The following SF3A2 variants were observed in gnomAD, a reference collection of about 807,000 sequenced individuals.
The protein encoded by SF3A2 is SAP 62.
SF3A2 carries 5 observed loss-of-function variants against 31.1 expected under a neutral mutation model. That is an observed-to-expected ratio of 0.16 (90% CI 0.08 to 0.34). The LOEUF is 0.34. Ranked by LOEUF, SF3A2 falls within the 10% of genes least tolerant of loss-of-function variation. The pLI is 1.00. For missense variants in SF3A2, 577 were observed against 643.9 expected (o/e 0.90, Z 1.13); for synonymous variants, 365 against 263.7 (o/e 1.38, Z -3.72).
In SF3A2 at chr19:2,245,458, A is replaced by AGCCAAGGAG. The variant is rs1438852548; in HGVS notation, c.271_279dup (p.Lys91_Ala93dup). The AGCCAAGGAG allele has an allele frequency of 2.6e-6, 4 of 1,550,368 alleles. No individual in the cohort carries two copies. The highest frequency in any genetic ancestry group is 2.6e-6 in the Non-Finnish European group (3 of 1,146,740). On this transcript the variant is annotated inframe_insertion, in exon 5 of 9. Coordinates refer to ENST00000221494, the MANE Select transcript of SF3A2 (RefSeq NM_007165.5). The surrounding 1 kb of genome is among the most constrained non-coding windows in gnomAD (Gnocchi z 4.2). ...ATCCTGTCCGCAGGGCCCGGCGAGC[A>AGCCAAGGAG]GCCAAGGAGGCCAAGGAGGCCCCTG...
At chr19:2,242,658 G>A (rs1454040755) in intron 1 of SF3A2, among the ~76,000 whole-genome samples, 3 of 152,184 alleles carry the variant, frequency 2.0e-5, no homozygotes, top group Admixed American at 6.5e-5. Flanking sequence ...ACCAGGGCCC[G>A]GGGCCAACAT....
At chr19:2,247,108 TC>T in intron 7 of SF3A2, 86 bp downstream of exon 7, 1 of 1,540,346 alleles carries the variant, frequency 6.5e-7, no homozygotes, top group Non-Finnish European at 8.6e-7. Context: ...GCCCCTCCCA[TC>T]GGGCTTGGGG....
intron 1 of SF3A2, among the ~76,000 whole-genome samples, chr19:2,239,967 A>T (rs10518240): frequency 0.061 from 9,220 of 152,088 alleles, 335 homozygotes; most frequent in East Asian, 0.13. Context: ...TTACTGGGAT[A>T]CCCATCAGTC....
chr19:2,247,136 C>A (rs1473886833), intron 7 of SF3A2, 114 bp downstream of exon 7: 1 of 1,403,510 alleles, frequency 7.1e-7, no homozygotes, highest in Admixed American at 2.6e-5. Flanking sequence ...GGGCCCCCCC[C>A]AAGTCGGAGC....
chr19:2,246,757 C>T lies in SF3A2; in HGVS notation c.360C>T (p.Thr120=). The T allele has an allele frequency of 2.5e-6, 4 of 1,613,940 alleles. No individual in the cohort carries two copies. The highest frequency in any genetic ancestry group is 3.4e-6 in the Non-Finnish European group (4 of 1,179,974). ...VKIGRPGYKV[T]KQRDSEMGQQ... ...TGAGAGCTTTCTGTGTTGCAGTGAC[C>T]AAGCAGAGAGACTCGGAGATGGGCC... Residue 120 remains threonine (T), a synonymous_variant, in exon 6 of 9, where the codon ACC becomes ACT. Coordinates refer to ENST00000221494, the MANE Select transcript of SF3A2 (RefSeq NM_007165.5). This position sits in a 1 kb window ranked among gnomAD's most constrained non-coding sequence, Gnocchi z 5.5.
rs1384484910 is a variant in SF3A2, at chr19:2,248,312, C to T, written c.1161C>T (p.His387=). Residue 387 remains histidine, a synonymous_variant, in exon 9 of 9, where the codon CAC becomes CAT. Coordinates refer to ENST00000221494, the MANE Select transcript of SF3A2 (RefSeq NM_007165.5). ...PGVHPAAPAV[H]PQAPGVHPPA... Reference sequence around the variant, plus strand: ...TGCACCCAGCAGCCCCCGCCGTTCACCCTCAGGCCCCAGGGGTGCACCCAC... The same window carrying T: ...TGCACCCAGCAGCCCCCGCCGTTCATCCTCAGGCCCCAGGGGTGCACCCAC... The T allele has an allele frequency of 1.4e-6, 2 of 1,401,212 alleles. No homozygotes were observed. Among genetic ancestry groups the T allele is most frequent in the Non-Finnish European group, 1.9e-6 (2 of 1,079,808 alleles). 86.8% of individuals were successfully genotyped at this position (1,401,212 alleles called of 1,614,324 possible).
intron 1 of SF3A2, among the ~76,000 whole-genome samples, chr19:2,238,094 G>T (rs768462956): frequency 4.7e-4 from 72 of 152,160 alleles, no homozygotes; most frequent in Non-Finnish European, 9.6e-4. Flanking sequence ...TGCAATCACA[G>T]CTTACTCCAG....
chr19:2,246,245 G>C lies in SF3A2; in HGVS notation c.356-508G>C, dbSNP rs2024931538. 6.6e-6 allele frequency among the ~76,000 whole-genome samples: 1 copy of C among 152,054 alleles called. No homozygotes were observed. Among genetic ancestry groups the C allele is most frequent in the East Asian group, 1.9e-4 (1 of 5,168 alleles). On this transcript the variant is annotated intron_variant, in intron 5 of 8. Coordinates refer to ENST00000221494, the MANE Select transcript of SF3A2 (RefSeq NM_007165.5). This position sits in a 1 kb window ranked among gnomAD's most constrained non-coding sequence, Gnocchi z 5.5. ...TTGGGCTCAGGACGGTGAGGCGGCA[G>C]AGGGCTTGTGAGTGTGCGTGTCTGA... is the stretch of plus-strand genomic sequence containing the variant.
In SF3A2 at chr19:2,243,614, C is replaced by T. The variant is rs1454574970; in HGVS notation, c.126+70C>T. 11 of 1,446,698 alleles carry T rather than the reference C, an allele frequency of 7.6e-6. No individual in the cohort carries two copies. In the East Asian group the frequency reaches 3.1e-4, roughly 41 times the overall value. The allele number at this position is 1,446,698 out of a possible 1,614,324, so 89.6% of individuals were successfully genotyped here. A position where few individuals can be genotyped will look rare whatever the true frequency, so the allele number is the denominator to read the frequency against. The stretch of plus-strand genomic sequence containing the variant: ...TCCAGGGCAGCCCTGGAGAGGGTGC[C>T]AGAGGCTCTTCTTGGGCCTCCGCCC... On this transcript the variant is annotated intron_variant, in intron 2 of 8. Transcript: ENST00000221494.
At chr19:2,240,697 C>T (rs2024881640) in intron 1 of SF3A2, among the ~76,000 whole-genome samples, 1 of 152,244 alleles carries the variant, frequency 6.6e-6, no homozygotes, top group African/African-American at 2.4e-5. Flanking sequence ...TGGATTTGAA[C>T]TCTTGGCTTT....
chr19:2,241,713 G>T (rs1382615935), intron 1 of SF3A2, among the ~76,000 whole-genome samples: 4 of 152,334 alleles, frequency 2.6e-5, no homozygotes, highest in African/African-American at 9.6e-5. Context: ...GTTCCTTGGG[G>T]CCAGAGGGTG....
rs1186313194 is a variant in SF3A2 at position 2,248,044 on chromosome 19, C to T, written c.893C>T (p.Ala298Val). ...CCGGCCCCAGTGGTGCATCCCCCTG[C>T]ATCTGGGGTCCATCCCCCAGCTCCT... is the stretch of plus-strand genomic sequence containing the variant. ...HPPAPVVHPP[A>V]SGVHPPAPGV... Residue 298 changes from alanine to valine, a missense_variant, in exon 9 of 9, where the codon GCA (alanine) becomes GTA (valine). Physicochemically the swap from Ala to Val is moderately conservative, Grantham distance 64. Around this residue, in one of 6 missense-constraint regions of SF3A2, gnomAD observed 462 missense variants for 339.1 expected, o/e 1.36. Transcript: ENST00000221494. The T allele has an allele frequency of 2.1e-6, 2 of 958,872 alleles. No individual in the cohort carries two copies. The highest frequency in any genetic ancestry group is 1.4e-5 in the South Asian group (1 of 72,226). The allele number at this position is 958,872 out of a possible 1,614,324, so 59.4% of individuals were successfully genotyped here.
chr19:2,237,551 C>G (rs1187706917), intron 1 of SF3A2: 1 of 152,152 alleles, frequency 6.6e-6, no homozygotes, highest in Non-Finnish European at 1.5e-5. Context: ...CCGTTGCACT[C>G]CAGCCTGGAC....
chr19:2,244,638 G>A, intron 3 of SF3A2, 23 bp downstream of exon 3: 1 of 1,612,602 alleles, frequency 6.2e-7, no homozygotes, highest in Non-Finnish European at 8.5e-7. Flanking sequence ...CCTGGCTCCG[G>A]GCGGCTCGCG....
At chr19:2,247,375 G>A (rs1191499265) in intron 7 of SF3A2, among the ~76,000 whole-genome samples, 2 of 152,180 alleles carry the variant, frequency 1.3e-5, no homozygotes, top group Non-Finnish European at 2.9e-5. Context: ...TAATACAAAC[G>A]GTGACTGCCC....
chr19:2,246,946 A>G lies in SF3A2; in HGVS notation c.470A>G (p.Gln157Arg). Residue 157 changes from glutamine (Q) to arginine (R), a missense_variant, in exon 7 of 9, where the codon CAG becomes CGG. Gln to Arg is a conservative substitution (Grantham distance 43, BLOSUM62 1). Coordinates refer to ENST00000221494, the MANE Select transcript of SF3A2 (RefSeq NM_007165.5). This position sits in a 1 kb window ranked among gnomAD's most constrained non-coding sequence, Gnocchi z 5.5. ...PRHRFMSAYEQRIEPPDRRWQ... is the reference protein window; with the variant it reads ...PRHRFMSAYERRIEPPDRRWQ... The stretch of plus-strand genomic sequence containing the variant: ...CACCGCTTCATGTCTGCGTACGAGC[A>G]GAGGATCGAGCCTCCGGACCGGCGC... 6.2e-7 allele frequency: 1 copy of G among 1,608,854 alleles called. No homozygotes were observed. Among genetic ancestry groups the G allele is most frequent in the Non-Finnish European group, 8.5e-7 (1 of 1,178,640 alleles).
chr19:2,248,153 T>TGGAGTCCACCCTCCAGCCCCC lies in SF3A2; in HGVS notation c.1005_1025dup (p.Ala361_Pro367dup), dbSNP rs766036482. 0.064 allele frequency: 85,388 copies of TGGAGTCCACCCTCCAGCCCCC among 1,326,598 alleles called. 4,124 individuals carry two copies. Among genetic ancestry groups the TGGAGTCCACCCTCCAGCCCCC allele is most frequent in the Middle Eastern group, 0.15 (538 of 3,610 alleles). 82.2% of individuals were successfully genotyped at this position (1,326,598 alleles called of 1,614,324 possible). A position where few individuals can be genotyped will look rare whatever the true frequency, so the allele number is the denominator to read the frequency against. Reference sequence around the variant, plus strand: ...CCTCTGGGGTCCACCCCCCAGCTCCTGGAGTCCACCCTCCAGCCCCCGGGG... The same window carrying TGGAGTCCACCCTCCAGCCCCC: ...CCTCTGGGGTCCACCCCCCAGCTCCTGGAGTCCACCCTCCAGCCCCCGGAGTCCACCCTCCAGCCCCCGGGG... On this transcript the variant is annotated inframe_insertion, in exon 9 of 9. Coordinates refer to ENST00000221494, the MANE Select transcript of SF3A2 (RefSeq NM_007165.5).
rs909907627 is a variant in SF3A2, at chr19:2,246,165, C to T, written c.356-588C>T. 6.6e-6 allele frequency among the ~76,000 whole-genome samples: 1 copy of T among 152,076 alleles called. No homozygotes were observed. Among genetic ancestry groups the T allele is most frequent in the Non-Finnish European group, 1.5e-5 (1 of 67,998 alleles). ...TCCCGGGGCAGGTGCACCGGGTGGG[C>T]GAGGGTGGCTAGAGCGGCAGGCTCC... On this transcript the variant is annotated intron_variant, in intron 5 of 8. Transcript: ENST00000221494. The surrounding 1 kb of genome is among the most constrained non-coding windows in gnomAD (Gnocchi z 5.5).
In SF3A2 at chr19:2,248,162, C is replaced by A; in HGVS notation, c.1011C>A (p.His337Gln). The change falls in exon 9 of 9, where the codon CAC becomes CAA. Residue 337 changes from histidine to glutamine, a missense_variant. Coordinates refer to ENST00000221494, the MANE Select transcript of SF3A2 (RefSeq NM_007165.5). Reference sequence around the variant, plus strand: ...TCCACCCCCCAGCTCCTGGAGTCCACCCTCCAGCCCCCGGGGTTCACCCAC... The same window carrying A: ...TCCACCCCCCAGCTCCTGGAGTCCAACCTCCAGCCCCCGGGGTTCACCCAC... ...SGVHPPAPGVHPPAPGVHPPA... is the reference protein window; with the variant it reads ...SGVHPPAPGVQPPAPGVHPPA... 2.7e-6 allele frequency: 4 copies of A among 1,467,632 alleles called. No homozygotes were observed. The highest frequency in any genetic ancestry group is 3.7e-6 in the Non-Finnish European group (4 of 1,084,042). 90.9% of individuals were successfully genotyped at this position (1,467,632 alleles called of 1,614,324 possible).
Sources: gnomAD v4.1 joint callset for allele counts (sites outside exome capture counted in the v4.1 genomes callset) on GRCh38, gnomAD v4.1.1 for gene constraint, gnomAD v4.1.1 regional missense constraint, Gnocchi (gnomAD v3.1) non-coding constraint, MANE v1.5 for transcripts, NCBI Gene and HGNC (gene_info 2026-07-23, HGNC 2026-07-21) for gene names.